Variants in TP63 observed in about 807,000 individuals in gnomAD.
TP63 encodes tumor protein p63, also known as tumor protein 63.
A neutral mutation model predicts 82.8 loss-of-function variants in TP63; 17 were observed. That is an observed-to-expected ratio of 0.21 (90% CI 0.14 to 0.31). The LOEUF (loss-of-function observed/expected upper bound fraction) is 0.31, where lower values mean the gene tolerates loss of function less well. Among genes scored for constraint, TP63 ranks in the 10% least tolerant of loss-of-function variants. The pLI, the probability that TP63 is intolerant of heterozygous loss-of-function variation, is 1.00. For missense variants in TP63, 648 were observed against 895.3 expected, an observed-to-expected ratio of 0.72 and a Z score of 3.52; for synonymous variants, 330 against 321.7, an observed-to-expected ratio of 1.03 and a Z score of -0.28.
chr3:189,631,365 TGAA>T, upstream of TP63: 2 of 1,505,594 alleles, frequency 1.3e-6, no homozygotes, highest in Non-Finnish European at 1.8e-6. Flanking sequence ...CAAATATGTA[TGAA>T]GGAGAGAAGT....
chr3:189,800,396 G>GA (rs1237936135), intron 3 of TP63, among the ~76,000 whole-genome samples: 1 of 151,294 alleles, frequency 6.6e-6, no homozygotes, highest in Non-Finnish European at 1.5e-5. Flanking sequence ...TAGTTACAAG[G>GA]AGTTGGGTCT....
intron 4 of TP63, among the ~76,000 whole-genome samples, chr3:189,846,820 G>A (rs1004196658): frequency 1.0e-4 from 15 of 150,694 alleles, no homozygotes; most frequent in Non-Finnish European, 2.2e-4. Flanking sequence ...CTGAGTAGCA[G>A]AGATTACAGG....
intron 4 of TP63, among the ~76,000 whole-genome samples, chr3:189,824,473 T>G (rs1729128361): frequency 6.6e-6 from 1 of 152,108 alleles, no homozygotes; most frequent in Non-Finnish European, 1.5e-5. Context: ...CCTCAGGTGA[T>G]CCACCTGCCT....
chr3:189,782,910 T>C (rs1336181985), intron 3 of TP63, among the ~76,000 whole-genome samples: 1 of 152,086 alleles, frequency 6.6e-6, no homozygotes, highest in Non-Finnish European at 1.5e-5. Context: ...ACTAGTGTTG[T>C]AGTAAGGTGA....
chr3:189,785,042 A>T lies in TP63; in HGVS notation c.325-23230A>T, dbSNP rs570972768. Reference sequence around the variant, plus strand: ...TTCTTAGCTTTCACGCATGTTCTAAAAACCCCAACCTTTTTTGACTATTAC... The same window carrying T: ...TTCTTAGCTTTCACGCATGTTCTAATAACCCCAACCTTTTTTGACTATTAC... On this transcript the variant is annotated intron_variant, in intron 3 of 13. Coordinates refer to ENST00000264731, the MANE Select transcript of TP63 (RefSeq NM_003722.5). Among the ~76,000 whole-genome samples the T allele has an allele frequency of 2.0e-5, 3 of 152,186 alleles. No individual in the cohort carries two copies. The South Asian group carries it at 6.2e-4, about 32-fold the overall frequency.
chr3:189,652,837 T>C lies in TP63; in HGVS notation c.62+21260T>C, dbSNP rs148904266. ...GATGGTTTTATAAAGGGTTTGCCAC[T>C]TTGCTGGGCGCTCATTCTTCTCCTT... On this transcript the variant is annotated intron_variant, in intron 1 of 13. Transcript: ENST00000264731. Among the ~76,000 whole-genome samples, 587 of 146,940 alleles carry C rather than the reference T, an allele frequency of 4.0e-3. 45 individuals carry two copies. The highest frequency in any genetic ancestry group is 5.4e-3 in the Non-Finnish European group (364 of 67,302).
At chr3:189,664,624 A>G (rs1714218654) in intron 1 of TP63, among the ~76,000 whole-genome samples, 1 of 152,134 alleles carries the variant, frequency 6.6e-6, no homozygotes, top group Admixed American at 6.6e-5. Flanking sequence ...CTCCAGATCA[A>G]ATTTCAGTAA....
At chr3:189,781,847 A>G (rs1385928489) in intron 3 of TP63, among the ~76,000 whole-genome samples, 1 of 152,218 alleles carries the variant, frequency 6.6e-6, no homozygotes, top group Non-Finnish European at 1.5e-5. Flanking sequence ...AGGAGCAGAC[A>G]TCTGATGTAA....
chr3:189,672,147 C>T (rs1920281), intron 1 of TP63, among the ~76,000 whole-genome samples: 7,639 of 152,050 alleles, frequency 0.05, 234 homozygotes, highest in South Asian at 0.095. Flanking sequence ...GCAAAGATCA[C>T]TCTGTATCCC....
chr3:189,789,475 T>G (rs1724903191), intron 3 of TP63, among the ~76,000 whole-genome samples: 4 of 151,858 alleles, frequency 2.6e-5, no homozygotes, highest in South Asian at 4.2e-4. Context: ...TTTTTTTTCT[T>G]TCTTTCTTTT....
At chr3:189,735,004 A>G (rs543023137) in intron 1 of TP63, among the ~76,000 whole-genome samples, 1 of 152,244 alleles carries the variant, frequency 6.6e-6, no homozygotes, top group South Asian at 2.1e-4. Flanking sequence ...TCAAAACACT[A>G]AAATATTTTG....
At chr3:189,694,949 A>G (rs1051845586) in intron 1 of TP63, among the ~76,000 whole-genome samples, 1 of 150,800 alleles carries the variant, frequency 6.6e-6, no homozygotes, top group Admixed American at 6.6e-5. Context: ...GGGATTACAC[A>G]CGCCCGCCAC....
chr3:189,801,196 A>G (rs1412223114), intron 3 of TP63, among the ~76,000 whole-genome samples: 1 of 152,162 alleles, frequency 6.6e-6, no homozygotes, highest in Non-Finnish European at 1.5e-5. Flanking sequence ...ACATTCATTG[A>G]AGAATTTTAT....
chr3:189,853,425 G>C (rs986859123), intron 4 of TP63, among the ~76,000 whole-genome samples: 18 of 152,162 alleles, frequency 1.2e-4, no homozygotes, highest in Middle Eastern at 3.2e-3. Context: ...TTCTGCAGGT[G>C]CACTGGCCTC....
At chr3:189,864,884 G>A (rs1393857645) in intron 5 of TP63, among the ~76,000 whole-genome samples, 1 of 152,014 alleles carries the variant, frequency 6.6e-6, no homozygotes, top group African/African-American at 2.4e-5. Flanking sequence ...GCGGGCACCT[G>A]TAGTCCCAGC....
chr3:189,707,049 A>G (rs1411738316), intron 1 of TP63, among the ~76,000 whole-genome samples: 1 of 152,266 alleles, frequency 6.6e-6, no homozygotes, highest in African/African-American at 2.4e-5. Flanking sequence ...CAGATGAAGC[A>G]TTTTAGCTTT....
chr3:189,824,184 T>A (rs1322038485), intron 4 of TP63, among the ~76,000 whole-genome samples: 1 of 152,020 alleles, frequency 6.6e-6, no homozygotes, highest in Non-Finnish European at 1.5e-5. Flanking sequence ...CAGGGCCTTT[T>A]TGTAGGACTG....
chr3:189,623,118 AT>A, the TP63 span, among the ~76,000 whole-genome samples: 1 of 152,292 alleles, frequency 6.6e-6, no homozygotes, highest in East Asian at 1.9e-4. Flanking sequence ...AAAAGAAATC[AT>A]TTTGCCATAG....
At chr3:189,762,313 G>C (rs760621390) in intron 3 of TP63, among the ~76,000 whole-genome samples, 1 of 151,674 alleles carries the variant, frequency 6.6e-6, no homozygotes, top group Non-Finnish European at 1.5e-5. Flanking sequence ...TGGTATGTCA[G>C]AGTCGTGGTG....
Sources: gnomAD v4.1 joint callset for allele counts (sites outside exome capture counted in the v4.1 genomes callset) on GRCh38, gnomAD v4.1.1 for gene constraint, MANE v1.5 for transcripts, NCBI Gene and HGNC (gene_info 2026-07-23, HGNC 2026-07-21) for gene names.